Variants in DOCK1 observed in about 807,000 individuals in gnomAD.
DOCK1 encodes dedicator of cytokinesis 1, also known as dedicator of cytokinesis protein 1.
Under a neutral mutation model 262.7 loss-of-function variants are expected in DOCK1, and 138 were observed. The observed-to-expected ratio is 0.53, with a 90% CI of 0.46 to 0.61. The LOEUF (loss-of-function observed/expected upper bound fraction) is 0.61, where lower values mean the gene tolerates loss of function less well. Ranked by LOEUF, DOCK1 falls within the 20% of genes least tolerant of loss-of-function variation. DOCK1 has a pLI of 0.00. For synonymous variants in DOCK1, 866 were observed against 867.4 expected, an observed-to-expected ratio of 1.00 and a Z score of 0.03; for missense variants, 1,908 against 2,370.7, an observed-to-expected ratio of 0.80 and a Z score of 4.05.
At chr10:127,147,504 C>T (rs539070475) in intron 27 of DOCK1, among the ~76,000 whole-genome samples, 5 of 152,182 alleles carry the variant, frequency 3.3e-5, no homozygotes, top group South Asian at 4.1e-4. Context: ...TCTCACCTTC[C>T]ATACAGAGGG....
At chr10:126,987,643 A>G (rs1398687983) in intron 5 of DOCK1, 26 bp downstream of exon 5, 1 of 1,537,130 alleles carries the variant, frequency 6.5e-7, no homozygotes, top group Non-Finnish European at 8.8e-7. Flanking sequence ...ATTCATTCAA[A>G]GCTTAGAAAT....
intron 27 of DOCK1, among the ~76,000 whole-genome samples, chr10:127,225,708 T>C (rs2058609391): frequency 6.6e-6 from 1 of 152,176 alleles, no homozygotes; most frequent in Non-Finnish European, 1.5e-5. Context: ...TTTAATTTTT[T>C]ACTCTGTAAT....
intron 29 of DOCK1, among the ~76,000 whole-genome samples, chr10:127,310,649 T>A (rs1223950572): frequency 6.6e-6 from 1 of 152,152 alleles, no homozygotes; most frequent in Non-Finnish European, 1.5e-5. Context: ...GAGGTTGCCA[T>A]AAAGAATGAT....
At chr10:127,285,243 T>A (rs2135315231) in intron 29 of DOCK1, among the ~76,000 whole-genome samples, 1 of 152,368 alleles carries the variant, frequency 6.6e-6, no homozygotes, top group South Asian at 2.1e-4. Context: ...TAATTTAAAA[T>A]CATTCTGTGA....
intron 29 of DOCK1, among the ~76,000 whole-genome samples, chr10:127,303,387 A>G (rs565017812): frequency 7.9e-5 from 12 of 152,330 alleles, no homozygotes; most frequent in South Asian, 6.2e-4. Flanking sequence ...GATAGAGCCA[A>G]AGTCAATGCC....
rs569986514 is a variant in DOCK1, at chr10:127,282,593, G to A, written c.3044+25164G>A. Among the ~76,000 whole-genome samples, 3 of 152,336 alleles carry A rather than the reference G, an allele frequency of 2.0e-5. No homozygotes were observed. The East Asian group carries it at 5.8e-4, about 29-fold the overall frequency. ...TGCAAAGGTTAATTTTAAAAGGCCA[G>A]TGAACACCCACAAGGGGGTCACCAG... On this transcript the variant is annotated intron_variant, in intron 29 of 51. Coordinates refer to ENST00000623213, the MANE Select transcript of DOCK1 (RefSeq NM_001290223.2).
At position 127,452,305 on chromosome 10, in the gene DOCK1, A is replaced by AAC. The variant is rs10663938; in HGVS notation, c.*900_*901dup. 74,102 of 149,238 alleles carry AAC rather than the reference A, an allele frequency of 0.5. 18,904 individuals are homozygous for AAC. The highest frequency in any genetic ancestry group is 0.59 in the Middle Eastern group (172 of 290). The allele number at this position is 149,238 out of a possible 1,614,324, so 9.2% of individuals were successfully genotyped here. On this transcript the variant is annotated 3_prime_UTR_variant, in exon 52 of 52. Transcript: ENST00000623213. ...AATTTTTAACTGCTGGAAGTGTTAA[A>AAC]ACACACACACACACACACACACATT...
chr10:126,949,238 C>T (rs1012221739), intron 1 of DOCK1, among the ~76,000 whole-genome samples: 1 of 152,112 alleles, frequency 6.6e-6, no homozygotes, highest in Non-Finnish European at 1.5e-5. Flanking sequence ...ACACCCAGCT[C>T]CTGCTCTCCT....
intron 1 of DOCK1, among the ~76,000 whole-genome samples, chr10:126,944,038 G>C (rs2035210830): frequency 1.3e-5 from 2 of 148,820 alleles, no homozygotes; most frequent in African/African-American, 4.9e-5. Context: ...ATGGGCAGTG[G>C]TTTGAAGAAC....
chr10:126,917,164 A>G (rs1357215491), intron 1 of DOCK1, among the ~76,000 whole-genome samples: 5 of 152,210 alleles, frequency 3.3e-5, no homozygotes, highest in African/African-American at 1.2e-4. Flanking sequence ...GGAGTCGAGC[A>G]TATTGATTCT....
chr10:127,089,742 A>G (rs1341241174), intron 23 of DOCK1, among the ~76,000 whole-genome samples: 2 of 152,168 alleles, frequency 1.3e-5, no homozygotes, highest in Admixed American at 6.5e-5. Flanking sequence ...TCTTGTCTCC[A>G]GGAGAGATGC....
chr10:127,064,533 G>A (rs1035824876), intron 23 of DOCK1, among the ~76,000 whole-genome samples: 3 of 152,164 alleles, frequency 2.0e-5, no homozygotes, highest in Non-Finnish European at 2.9e-5. Flanking sequence ...TGGAGGACGC[G>A]TGGGCCAGTT....
intron 38 of DOCK1, among the ~76,000 whole-genome samples, chr10:127,397,298 G>A (rs1272386708): frequency 6.8e-6 from 1 of 146,486 alleles, no homozygotes; most frequent in East Asian, 2.0e-4. Flanking sequence ...TGAGTTACAC[G>A]GGCGGCAACT....
At chr10:127,408,937 G>A (rs2067681687) in intron 40 of DOCK1, 100 bp from the exon 41 acceptor site, 1 of 1,396,276 alleles carries the variant, frequency 7.2e-7, no homozygotes, top group African/African-American at 1.5e-5. Flanking sequence ...ATGACATTTT[G>A]TAAGAACCCG....
In DOCK1 at chr10:126,981,846, G is replaced by A. The variant is rs1184195711; in HGVS notation, c.172-72G>A. ...GCCACCCCTCACCCCACCTTTTTGG[G>A]AACTATTGTTTGATTTACATTCAGC... is the stretch of plus-strand genomic sequence containing the variant. On this transcript the variant is annotated intron_variant, in intron 3 of 51. Transcript: ENST00000623213. The A allele has an allele frequency of 1.4e-5, 21 of 1,500,446 alleles. No homozygotes were observed. In the East Asian group the frequency reaches 4.1e-4, roughly 29 times the overall value. 92.9% of individuals were successfully genotyped at this position (1,500,446 alleles called of 1,614,324 possible).
chr10:127,105,860 G>A (rs12252502), intron 23 of DOCK1, among the ~76,000 whole-genome samples: 34,180 of 152,024 alleles, frequency 0.22, 5,502 homozygotes, highest in African/African-American at 0.46. Flanking sequence ...CCTGGGCTCA[G>A]GTGATTCTCC....
intron 1 of DOCK1, among the ~76,000 whole-genome samples, chr10:126,912,652 G>A (rs2031963929): frequency 6.6e-6 from 1 of 151,670 alleles, no homozygotes; most frequent in East Asian, 1.9e-4. Flanking sequence ...CGTGAACCCG[G>A]GAGGCGGAGC....
At chr10:126,998,324 G>A (rs918059837) in intron 8 of DOCK1, 75 bp downstream of exon 8, 82 of 1,581,920 alleles carry the variant, frequency 5.2e-5, no homozygotes, top group Admixed American at 2.2e-4. Context: ...CCACTGAAGC[G>A]TCCCATTCAT....
At chr10:126,987,929 G>A (rs2039525956) in intron 5 of DOCK1, among the ~76,000 whole-genome samples, 1 of 152,096 alleles carries the variant, frequency 6.6e-6, no homozygotes. Flanking sequence ...ATGCAGGATC[G>A]GGCAGTGGGT....
Sources: gnomAD v4.1 joint callset for allele counts (sites outside exome capture counted in the v4.1 genomes callset) on GRCh38, gnomAD v4.1.1 for gene constraint, MANE v1.5 for transcripts, NCBI Gene and HGNC (gene_info 2026-07-23, HGNC 2026-07-21) for gene names.